The following RASA3 variants were observed in gnomAD, a reference collection of about 807,000 sequenced individuals.
RASA3 encodes the protein ras GTPase-activating protein 3.
A neutral mutation model predicts 110.0 loss-of-function variants in RASA3; 73 were observed. The observed-to-expected ratio is 0.66, with a 90% CI of 0.55 to 0.81. The LOEUF is 0.81. RASA3 is among the 30% of genes least tolerant of loss of function. The pLI is 0.00. For missense variants in RASA3, 976 were observed against 1,113.2 expected (o/e 0.88, Z 1.75); for synonymous variants, 500 against 451.4 (o/e 1.11, Z -1.37).
chr13:114,123,015 A>G (rs2080398845), intron 1 of RASA3, among the ~76,000 whole-genome samples: 1 of 152,230 alleles, frequency 6.6e-6, no homozygotes, highest in Non-Finnish European at 1.5e-5. Flanking sequence ...GTCCACCACA[A>G]GACAACCTTC....
At position 114,106,591 on chromosome 13, in the gene RASA3, G is replaced by A. The variant is rs536124613; in HGVS notation, c.55+25844C>T. Among the ~76,000 whole-genome samples, 5 of 152,284 alleles carry A rather than the reference G, an allele frequency of 3.3e-5. No homozygotes were observed. The South Asian group carries it at 1.0e-3, about 32-fold the overall frequency. ...ATAAATGCCCATTTTACTTAGCGTAGGTGTAGAAATTCACACCCAAGTCCC... is the reference window on the plus strand; with the variant it reads ...ATAAATGCCCATTTTACTTAGCGTAAGTGTAGAAATTCACACCCAAGTCCC... On this transcript the variant is annotated intron_variant, in intron 1 of 23. Coordinates refer to ENST00000334062, the MANE Select transcript of RASA3 (RefSeq NM_007368.4).
At position 114,024,851 on chromosome 13, in the gene RASA3, G is replaced by C. The variant is rs1461483852; in HGVS notation, c.604-496C>G. ...AACAGGCCCCAGCACTCCAGGGAGG[G>C]TCAGACGGTGGAAAGTCAAGACGCT... On this transcript the variant is annotated intron_variant, in intron 7 of 23. Coordinates refer to ENST00000334062, the MANE Select transcript of RASA3 (RefSeq NM_007368.4). Among the ~76,000 whole-genome samples the C allele has an allele frequency of 2.0e-5, 3 of 152,242 alleles. No individual in the cohort carries two copies. The East Asian group carries it at 5.8e-4, about 29-fold the overall frequency.
chr13:113,981,711 T>C lies in RASA3; in HGVS notation c.2393A>G (p.Lys798Arg). 6.2e-7 allele frequency: 1 copy of C among 1,614,058 alleles called. No homozygotes were observed. The highest frequency in any genetic ancestry group is 1.3e-5 in the African/African-American group (1 of 75,052). Residue 798 changes from lysine (K) to arginine (R), a missense_variant, in exon 23 of 24, where the codon AAG becomes AGG. By Grantham distance (26) the Lys-to-Arg change is conservative. This residue lies in a region of RASA3 where 132 missense variants were observed against 152.8 expected (regional missense o/e 0.86). Transcript: ENST00000334062. ...TTTCGTCTTCTTGAACTTGTCCCTC[T>C]TATACTGGGCGTGCTCCTGCTCCAA... ...GALEQEHAQY[K>R]RDKFKKTKYG...
At chr13:114,105,584 G>A (rs1298783527) in intron 1 of RASA3, among the ~76,000 whole-genome samples, 1 of 152,156 alleles carries the variant, frequency 6.6e-6, no homozygotes, top group African/African-American at 2.4e-5. Context: ...GCCTGACAAG[G>A]CCACAGGCAC....
intron 2 of RASA3, among the ~76,000 whole-genome samples, chr13:114,066,790 G>A (rs979319203): frequency 1.3e-5 from 2 of 152,240 alleles, no homozygotes; most frequent in Non-Finnish European, 2.9e-5. Context: ...GGCCGGGCTT[G>A]GGGGTCATAC....
chr13:114,061,676 CA>C (rs397963864), intron 2 of RASA3, among the ~76,000 whole-genome samples: 3,684 of 96,232 alleles, frequency 0.038, 151 homozygotes, highest in African/African-American at 0.12. Flanking sequence ...GACTCTGTCT[CA>C]AAAAAAAAAA....
At chr13:114,097,657 G>A (rs982206798) in intron 1 of RASA3, among the ~76,000 whole-genome samples, 10 of 152,220 alleles carry the variant, frequency 6.6e-5, no homozygotes, top group African/African-American at 9.6e-5. Flanking sequence ...AAAGGCTGCC[G>A]TCCTTCTCCT....
intron 1 of RASA3, among the ~76,000 whole-genome samples, chr13:114,100,768 C>A (rs752747361): frequency 6.6e-6 from 1 of 152,144 alleles, no homozygotes; most frequent in Non-Finnish European, 1.5e-5. Flanking sequence ...GTGTACCCTT[C>A]GAGAAACACT....
intron 8 of RASA3, among the ~76,000 whole-genome samples, chr13:114,022,873 T>C (rs1265155993): frequency 6.6e-6 from 1 of 152,178 alleles, no homozygotes; most frequent in Non-Finnish European, 1.5e-5. Flanking sequence ...GGGGCTGGTG[T>C]GAGTCCCTGG....
chr13:114,054,163 A>G (rs2079198226), intron 2 of RASA3, among the ~76,000 whole-genome samples: 1 of 152,206 alleles, frequency 6.6e-6, no homozygotes, highest in South Asian at 2.1e-4. Context: ...AAAAAGTGAA[A>G]AGACAGACTA....
intron 5 of RASA3, among the ~76,000 whole-genome samples, 166 bp downstream of exon 5, chr13:114,029,645 C>CT (rs774523946): frequency 2.1e-5 from 3 of 145,152 alleles, no homozygotes; most frequent in East Asian, 4.2e-4. Context: ...GCCAGGACCC[C>CT]TAAAACAGCA....
At chr13:114,103,583 A>G (rs56191519) in intron 1 of RASA3, among the ~76,000 whole-genome samples, 4,763 of 9,744 alleles carry the variant, frequency 0.49, 967 homozygotes, top group Non-Finnish European at 0.62. Flanking sequence ...ATGCTGCCAC[A>G]GCCACGGACA....
At chr13:114,010,544 C>T (rs1017744993) in intron 16 of RASA3, among the ~76,000 whole-genome samples, 8 of 149,926 alleles carry the variant, frequency 5.3e-5, no homozygotes, top group Admixed American at 1.3e-4. Flanking sequence ...GGATGGAGGA[C>T]GGAGGTTCAT....
At chr13:114,104,801 G>T (rs180867893) in intron 1 of RASA3, among the ~76,000 whole-genome samples, 1 of 151,998 alleles carries the variant, frequency 6.6e-6, no homozygotes, top group Non-Finnish European at 1.5e-5. Context: ...TGTTCTGGAG[G>T]GGGGGCTACC....
chr13:114,030,466 G>GCAAGACTCACACAGAGA (rs1566501743), intron 4 of RASA3, among the ~76,000 whole-genome samples: 2 of 100,854 alleles, frequency 2.0e-5, no homozygotes, highest in African/African-American at 7.9e-5. Flanking sequence ...TCACACAGAG[G>GCAAGACTCACACAGAGA]GCAAGGCTCA....
In RASA3 at chr13:114,112,812, C is replaced by T. The variant is rs1001533149; in HGVS notation, c.55+19623G>A. ...TCTGAGGCAGAGGCACCGCTGTGGG[C>T]TCATCTCTCAGCTCAAAGGGTTTCC... is the stretch of plus-strand genomic sequence containing the variant. On this transcript the variant is annotated intron_variant, in intron 1 of 23. Transcript: ENST00000334062. The surrounding 1 kb of genome is among the most constrained non-coding windows in gnomAD (Gnocchi z 4.8). Among the ~76,000 whole-genome samples the T allele has an allele frequency of 3.3e-5, 5 of 152,086 alleles. No homozygotes were observed. The highest frequency in any genetic ancestry group is 2.0e-4 in the Admixed American group (3 of 15,278).
intron 1 of RASA3, among the ~76,000 whole-genome samples, chr13:114,131,426 T>C (rs1346468221): frequency 1.3e-5 from 2 of 152,132 alleles, no homozygotes; most frequent in Non-Finnish European, 2.9e-5. Flanking sequence ...ACGGTCTTGC[T>C]CTGGGGGAGG....
chr13:114,052,924 CTGCTGACTGTACTTAGAGTCCT>C (rs2079173338), intron 2 of RASA3, among the ~76,000 whole-genome samples: 1 of 124,974 alleles, frequency 8.0e-6, no homozygotes, highest in African/African-American at 3.0e-5. Context: ...GAGACCCCCG[CTGCTGACTGTACTTAGAGTCCT>C]CGCTCCTGGG....
Position 114,027,432 on chromosome 13 carries a change from CT to C in RASA3, c.559del (p.Arg187GlyfsTer16). ...RSEAKKTKVK[R>X]KTNNPQFDEV... ...ATCGAACTGGGGATTGTTGGTCTTC[CT>C]CTTCACTTTCGTCTTCTTTGCTTCT... On this transcript the variant is annotated frameshift_variant, in exon 7 of 24. Transcript: ENST00000334062. LOFTEE classifies it high-confidence loss of function. The C allele has an allele frequency of 6.2e-7, 1 of 1,613,336 alleles. No homozygotes were observed. Among genetic ancestry groups the C allele is most frequent in the South Asian group, 1.1e-5 (1 of 91,056 alleles).
Sources: gnomAD v4.1 joint callset for allele counts (sites outside exome capture counted in the v4.1 genomes callset) on GRCh38, gnomAD v4.1.1 for gene constraint, gnomAD v4.1.1 regional missense constraint, Gnocchi (gnomAD v3.1) non-coding constraint, MANE v1.5 for transcripts, NCBI Gene and HGNC (gene_info 2026-07-23, HGNC 2026-07-21) for gene names.